TRDN: variants seen among roughly 807,000 people sequenced by gnomAD.
The protein encoded by TRDN is triadin, also known as triadin in skeletal muscle.
TRDN carries 161 observed loss-of-function variants against 149.7 expected under a neutral mutation model. That is an observed-to-expected ratio of 1.08 (90% CI 0.95 to 1.23). The LOEUF (loss-of-function observed/expected upper bound fraction) is 1.23, where lower values mean the gene tolerates loss of function less well. Among genes scored for constraint, TRDN ranks in the 50% most tolerant of loss-of-function variants. The probability of loss-of-function intolerance (pLI) is 0.00; values close to 1 mark genes in which losing one functional copy is unlikely to be tolerated. For synonymous variants in TRDN, 294 were observed against 250.5 expected (o/e 1.17, Z -1.64); for missense variants, 896 against 823.5 (o/e 1.09, Z -1.08).
intron 24 of TRDN, among the ~76,000 whole-genome samples, chr6:123,299,365 A>C (rs1778321288): frequency 6.6e-6 from 1 of 152,050 alleles, no homozygotes; most frequent in Non-Finnish European, 1.5e-5. Flanking sequence ...CAGGTTTGCT[A>C]TTTGTCACAT....
intron 8 of TRDN, chr6:123,502,856 A>G (rs1311562863): frequency 2.0e-6 from 2 of 985,198 alleles, no homozygotes; most frequent in Middle Eastern, 5.2e-4. Flanking sequence ...AGATCCCCGT[A>G]TTCTGTAAAG....
intron 32 of TRDN, among the ~76,000 whole-genome samples, chr6:123,266,435 AT>A (rs1337946958): frequency 9.4e-5 from 9 of 95,670 alleles, no homozygotes; most frequent in African/African-American, 1.9e-4. Flanking sequence ...TATGTATTAT[AT>A]ATAATATATA....
chr6:123,627,266 A>G (rs1377537445), intron 1 of TRDN, among the ~76,000 whole-genome samples: 1 of 152,114 alleles, frequency 6.6e-6, no homozygotes, highest in African/African-American at 2.4e-5. Flanking sequence ...TTGAAAATCA[A>G]AATTACTTCT....
intron 26 of TRDN, among the ~76,000 whole-genome samples, chr6:123,275,756 G>T (rs1034436196): frequency 1.2e-4 from 19 of 152,122 alleles, no homozygotes; most frequent in African/African-American, 3.9e-4. Context: ...GACATTAAAG[G>T]TTATTCTGAT....
At chr6:123,340,340 AT>A (rs2114742662) in intron 21 of TRDN, among the ~76,000 whole-genome samples, 1 of 152,234 alleles carries the variant, frequency 6.6e-6, no homozygotes, top group Admixed American at 6.5e-5. Context: ...TGATCTGCCT[AT>A]TATTTATTAT....
chr6:123,532,842 G>A (rs1780314205), intron 4 of TRDN, among the ~76,000 whole-genome samples: 1 of 149,568 alleles, frequency 6.7e-6, no homozygotes, highest in African/African-American at 2.4e-5. Flanking sequence ...TACTAGACAG[G>A]TCTAAGGCAC....
At chr6:123,349,699 A>G in intron 21 of TRDN, 1 of 976,136 alleles carries the variant, frequency 1.0e-6, no homozygotes, top group Non-Finnish European at 1.2e-6. Flanking sequence ...ATTCAAATGG[A>G]TAAAGTTTTC....
intron 20 of TRDN, among the ~76,000 whole-genome samples, chr6:123,359,067 T>C (rs1191981667): frequency 2.0e-5 from 3 of 152,184 alleles, no homozygotes; most frequent in African/African-American, 7.2e-5. Context: ...GGTCATTGAC[T>C]GAAACATTGG....
chr6:123,597,922 A>ATC (rs1208848240), intron 1 of TRDN, among the ~76,000 whole-genome samples: 1 of 152,070 alleles, frequency 6.6e-6, no homozygotes, highest in Non-Finnish European at 1.5e-5. Flanking sequence ...CTGGACCTAA[A>ATC]TCTGAAGTAT....
intron 23 of TRDN, among the ~76,000 whole-genome samples, chr6:123,325,353 A>T (rs1779402977): frequency 6.6e-6 from 1 of 152,128 alleles, no homozygotes; most frequent in South Asian, 2.1e-4. Context: ...CTAGGCACCA[A>T]GAAACTCAGA....
At chr6:123,611,890 A>T (rs1784830396) in intron 1 of TRDN, among the ~76,000 whole-genome samples, 1 of 152,162 alleles carries the variant, frequency 6.6e-6, no homozygotes, top group African/African-American at 2.4e-5. Context: ...ACATCTACAC[A>T]TTCCCAAAAT....
chr6:123,358,840 T>A (rs893681905), intron 20 of TRDN, among the ~76,000 whole-genome samples: 1 of 152,068 alleles, frequency 6.6e-6, no homozygotes, highest in East Asian at 1.9e-4. Flanking sequence ...TATGCTAGAA[T>A]AGTGGTGAGG....
At chr6:123,381,488 T>C (rs1781719066) in intron 15 of TRDN, 98 bp from the exon 16 acceptor site, 1 of 1,131,798 alleles carries the variant, frequency 8.8e-7, no homozygotes, top group African/African-American at 1.6e-5. Flanking sequence ...CCACCCCTCC[T>C]TCCAATTTTC....
At chr6:123,591,561 G>T (rs1445029522) in intron 1 of TRDN, among the ~76,000 whole-genome samples, 1 of 152,058 alleles carries the variant, frequency 6.6e-6, no homozygotes, top group Non-Finnish European at 1.5e-5. Context: ...TCTTTATTAA[G>T]TTATTTAAAA....
At chr6:123,564,124 T>C (rs1299977735) in intron 2 of TRDN, among the ~76,000 whole-genome samples, 1 of 152,180 alleles carries the variant, frequency 6.6e-6, no homozygotes, top group African/African-American at 2.4e-5. Context: ...GTCTGGGAAA[T>C]ATTGAATTAT....
At chr6:123,306,189 T>C (rs1778603836) in intron 24 of TRDN, among the ~76,000 whole-genome samples, 2 of 152,112 alleles carry the variant, frequency 1.3e-5, no homozygotes, top group East Asian at 3.9e-4. Context: ...ACAGATAAAA[T>C]GGAATTTGAT....
rs757333039 is a variant in TRDN at position 123,548,655 on chromosome 6, C to A, written c.233-43G>T. 4.1e-5 allele frequency: 54 copies of A among 1,303,976 alleles called. No individual in the cohort carries two copies. In the South Asian group the frequency reaches 1.2e-3, roughly 29 times the overall value. The allele number at this position is 1,303,976 out of a possible 1,614,324, so 80.8% of individuals were successfully genotyped here. On this transcript the variant is annotated intron_variant, in intron 2 of 40. Coordinates refer to ENST00000334268, the MANE Select transcript of TRDN (RefSeq NM_006073.4). Reference sequence around the variant, plus strand: ...AAAAAAAAAAGAAAAAGTTTGTGATCATTTCCAAATAACTTAAGAAAAGCT... The same window carrying A: ...AAAAAAAAAAGAAAAAGTTTGTGATAATTTCCAAATAACTTAAGAAAAGCT...
At chr6:123,386,425 AG>A (rs1304050447) in intron 14 of TRDN, among the ~76,000 whole-genome samples, 1 of 152,206 alleles carries the variant, frequency 6.6e-6, no homozygotes, top group Non-Finnish European at 1.5e-5. Flanking sequence ...AAGATGATAA[AG>A]GAAGAACTGG....
chr6:123,241,743 A>T (rs1775997535), intron 38 of TRDN, among the ~76,000 whole-genome samples: 1 of 152,060 alleles, frequency 6.6e-6, no homozygotes, highest in East Asian at 1.9e-4. Flanking sequence ...GAGATGTCAA[A>T]GTTAAATTTA....
Sources: allele counts gnomAD v4.1 joint callset (sites outside exome capture counted in the v4.1 genomes callset), GRCh38; gene constraint gnomAD v4.1.1; transcripts MANE v1.5; gene names NCBI Gene and HGNC (gene_info 2026-07-23, HGNC 2026-07-21).